ZSCAN23: variants seen among roughly 807,000 people sequenced by gnomAD.
The protein encoded by ZSCAN23 is zinc finger and SCAN domain-containing protein 23.
Under a neutral mutation model 19.3 loss-of-function variants are expected in ZSCAN23, and 19 were observed. The ratio of observed to expected loss-of-function variants is 0.99; its 90% CI spans 0.69 to 1.45. ZSCAN23 has a LOEUF of 1.45. Ranked by LOEUF, ZSCAN23 falls within the 40% of genes most tolerant of loss-of-function variation. The pLI is 0.00. For missense variants in ZSCAN23, 372 were observed against 462.5 expected (o/e 0.80, Z 1.79); for synonymous variants, 140 against 166.2 (o/e 0.84, Z 1.21).
intron 1 of ZSCAN23, among the ~76,000 whole-genome samples, chr6:28,437,610 CTT>C (rs1385949269): frequency 4.6e-5 from 7 of 151,900 alleles, no homozygotes; most frequent in Non-Finnish European, 1.0e-4. Flanking sequence ...AACAAACAAA[CTT>C]ATGAGCAATC....
chr6:28,440,018 A>G (rs1280630075), intron 1 of ZSCAN23, among the ~76,000 whole-genome samples: 1 of 152,208 alleles, frequency 6.6e-6, no homozygotes, highest in Non-Finnish European at 1.5e-5. Flanking sequence ...AGGGGAAAGA[A>G]AGGTTGCTAT....
At chr6:28,427,305 C>T (rs1761676243), downstream of ZSCAN23, among the ~76,000 whole-genome samples, 1 of 152,216 alleles carries the variant, frequency 6.6e-6, no homozygotes, top group African/African-American at 2.4e-5. Context: ...GGTTGTTCTT[C>T]CATAAGTTGG....
At chr6:28,426,101 C>T in the ZSCAN23 span, among the ~76,000 whole-genome samples, 52 of 152,304 alleles carry the variant, frequency 3.4e-4, no homozygotes, top group Non-Finnish European at 6.0e-4. Context: ...CCAGATCACT[C>T]AAACTTTCTC....
chr6:28,426,394 G>C, the ZSCAN23 span, among the ~76,000 whole-genome samples: 7 of 152,182 alleles, frequency 4.6e-5, no homozygotes, highest in South Asian at 2.1e-4. Flanking sequence ...GTGTCTCAGG[G>C]AATAGGGAGG....
chr6:28,426,329 C>T, the ZSCAN23 span, among the ~76,000 whole-genome samples: 3 of 152,168 alleles, frequency 2.0e-5, no homozygotes, highest in East Asian at 1.9e-4. Flanking sequence ...CTTCCTTTCA[C>T]GTGAACACTG....
At chr6:28,435,153 A>G in intron 3 of ZSCAN23, 75 bp from the exon 4 acceptor site, 1 of 1,444,526 alleles carries the variant, frequency 6.9e-7, no homozygotes, top group Non-Finnish European at 9.1e-7. Flanking sequence ...ACAAAAGAAA[A>G]AAAGTGGCCA....
At chr6:28,438,289 G>A (rs566232814) in intron 1 of ZSCAN23, among the ~76,000 whole-genome samples, 1 of 152,144 alleles carries the variant, frequency 6.6e-6, no homozygotes, top group African/African-American at 2.4e-5. Flanking sequence ...TAGAGACAGG[G>A]TTGTACCATG....
chr6:28,431,321 T>C (rs1374941015), downstream of ZSCAN23, among the ~76,000 whole-genome samples: 1 of 152,196 alleles, frequency 6.6e-6, no homozygotes, highest in African/African-American at 2.4e-5. Context: ...ATACTGCCTA[T>C]TGCAAAAATT....
intron 1 of ZSCAN23, among the ~76,000 whole-genome samples, chr6:28,440,967 G>A (rs1029570253): frequency 2.6e-5 from 4 of 152,010 alleles, no homozygotes; most frequent in East Asian, 1.9e-4. Flanking sequence ...TGCCCTCCTC[G>A]TCACAAACAT....
intron 1 of ZSCAN23, among the ~76,000 whole-genome samples, chr6:28,440,608 T>C (rs1408614040): frequency 1.3e-5 from 2 of 152,192 alleles, no homozygotes; most frequent in African/African-American, 4.8e-5. Flanking sequence ...CAGCCACTTA[T>C]GCTTTCTTGT....
downstream of ZSCAN23, among the ~76,000 whole-genome samples, chr6:28,429,039 T>C (rs1284868424): frequency 6.6e-6 from 1 of 152,130 alleles, no homozygotes; most frequent in Non-Finnish European, 1.5e-5. Context: ...TCTGAAATGG[T>C]TTTCTGATCC....
rs1262483753 is a variant in ZSCAN23 at position 28,434,921 on chromosome 6, C to CT, written c.713dup (p.Gln239AlafsTer14). ...TCTCCACTGAAGAGCTCACCCTTTG[C>CT]TTTTCCAATCTGCCCTCACGGTCAC... is the stretch of plus-strand genomic sequence containing the variant. On this transcript the variant is annotated frameshift_variant, in exon 4 of 4. Transcript: ENST00000289788. LOFTEE classifies it low-confidence loss of function (END_TRUNC). 8 of 1,552,302 alleles carry CT rather than the reference C, an allele frequency of 5.2e-6. No homozygotes were observed. Among genetic ancestry groups the CT allele is most frequent in the Non-Finnish European group, 7.0e-6 (8 of 1,147,264 alleles).
At chr6:28,422,586 A>C in the ZSCAN23 span, among the ~76,000 whole-genome samples, 3 of 152,174 alleles carry the variant, frequency 2.0e-5, no homozygotes, top group Non-Finnish European at 2.9e-5. This position sits in a 1 kb window ranked among gnomAD's most constrained non-coding sequence, Gnocchi z 4.0. Context: ...GTAGTTTTCT[A>C]TTGGCTTCAA....
Position 28,434,874 on chromosome 6 carries a change from C to A in ZSCAN23, c.761G>T (p.Cys254Phe). The A allele has an allele frequency of 6.4e-7, 1 of 1,560,420 alleles. No homozygotes were observed. Among genetic ancestry groups the A allele is most frequent in the Non-Finnish European group, 8.7e-7 (1 of 1,152,060 alleles). Residue 254 changes from cysteine to phenylalanine, a missense_variant, in exon 4 of 4, where the codon TGT (cysteine) becomes TTT (phenylalanine). Cys to Phe is a radical substitution (Grantham distance 205, BLOSUM62 -2). Coordinates refer to ENST00000289788, the MANE Select transcript of ZSCAN23 (RefSeq NM_001012455.2). ...SVERPYICSE[C>F]GKSFTQNSIL... ...GGAATTCTGGGTGAAGCTTTTTCCACATTCACTACAGATATAGGGTCTCTC... is the reference window on the plus strand; with the variant it reads ...GGAATTCTGGGTGAAGCTTTTTCCAAATTCACTACAGATATAGGGTCTCTC...
At chr6:28,435,774 A>AT in intron 2 of ZSCAN23, 85 bp downstream of exon 2, 1 of 1,403,198 alleles carries the variant, frequency 7.1e-7, no homozygotes, top group South Asian at 1.5e-5. Flanking sequence ...TAAAAAAAAA[A>AT]TCCTCCTCCT....
chr6:28,435,640 T>C (rs1278648658), intron 2 of ZSCAN23, 33 bp from the exon 3 acceptor site: 1 of 1,536,956 alleles, frequency 6.5e-7, no homozygotes, highest in Non-Finnish European at 8.8e-7. Flanking sequence ...GGGAACCCAA[T>C]ATCAGAGAGA....
rs756355910 is a variant in ZSCAN23, at chr6:28,434,603, T to C, written c.1032A>G (p.Arg344=). ...QCNQCNKSFS[R]RSVLIKHQRI... ...TCTGATGCTTAATGAGGACTGAACG[T>C]CGACTAAAACTCTTATTGCACTGAT... The change falls in exon 4 of 4, where the codon CGA becomes CGG. Residue 344 remains arginine (R), a synonymous_variant. Transcript: ENST00000289788. The C allele has an allele frequency of 5.8e-6, 9 of 1,555,828 alleles. 1 individual carries two copies. The South Asian group carries it at 1.1e-4, about 18-fold the overall frequency.
rs1212391400 is a variant in ZSCAN23, at chr6:28,434,617, TATTGCACTG to T, written c.1009_1017del (p.Gln337_Asn339del). ...AGGACTGAACGTCGACTAAAACTCT[TATTGCACTG>T]ATTGCACTGGTAAGGCTTCTCCCCA... On this transcript the variant is annotated inframe_deletion, in exon 4 of 4. Transcript: ENST00000289788. 2.6e-6 allele frequency: 4 copies of T among 1,558,092 alleles called. No homozygotes were observed. The Admixed American group carries it at 5.8e-5, about 23-fold the overall frequency.
the ZSCAN23 span, among the ~76,000 whole-genome samples, chr6:28,421,829 A>G: frequency 6.6e-6 from 1 of 152,170 alleles, no homozygotes; most frequent in Non-Finnish European, 1.5e-5. Flanking sequence ...AGACATATCA[A>G]CCCATCACAA....
Sources: allele counts gnomAD v4.1 joint callset (sites outside exome capture counted in the v4.1 genomes callset), GRCh38; gene constraint gnomAD v4.1.1; non-coding constraint Gnocchi (gnomAD v3.1); transcripts MANE v1.5; gene names NCBI Gene and HGNC (gene_info 2026-07-23, HGNC 2026-07-21).